The following TMEM181 variants were observed in gnomAD, a reference collection of about 807,000 sequenced individuals.
TMEM181 encodes the protein transmembrane protein 181.
TMEM181 carries 39 observed loss-of-function variants against 71.9 expected under a neutral mutation model. The observed-to-expected ratio is 0.54, with a 90% CI of 0.42 to 0.71. TMEM181 has a LOEUF of 0.71. TMEM181 is among the 30% of genes least tolerant of loss of function. The probability of loss-of-function intolerance (pLI) is 0.00; values close to 1 mark genes in which losing one functional copy is unlikely to be tolerated. For missense variants in TMEM181, 595 were observed against 583.0 expected, an observed-to-expected ratio of 1.02 and a Z score of -0.21; for synonymous variants, 245 against 228.8, an observed-to-expected ratio of 1.07 and a Z score of -0.64.
At chr6:158,572,477 G>A (rs951887055) in intron 1 of TMEM181, 12 of 456,546 alleles carry the variant, frequency 2.6e-5, no homozygotes, top group Non-Finnish European at 4.4e-5. Flanking sequence ...TGGTCTGTGG[G>A]TCTCCTCCTC....
chr6:158,605,330 C>G lies in TMEM181; in HGVS notation c.556C>G (p.Leu186Val). Residue 186 changes from leucine to valine, a missense_variant, in exon 7 of 17, where the codon CTC becomes GTC. Physicochemically the swap from Leu to Val is conservative, Grantham distance 32. Transcript: ENST00000684151. ...EIWFRFFFVV[L>V]TFIVTCLFAH... ...CTGGTTCCGGTTTTTCTTTGTGGTG[C>G]TCACCTTCATCGTCACTGTGAGTAC... The G allele has an allele frequency of 6.2e-7, 1 of 1,613,952 alleles. No individual in the cohort carries two copies. The highest frequency in any genetic ancestry group is 8.5e-7 in the Non-Finnish European group (1 of 1,179,968).
At chr6:158,601,037 T>G (rs1784641718) in intron 6 of TMEM181, among the ~76,000 whole-genome samples, 1 of 152,234 alleles carries the variant, frequency 6.6e-6, no homozygotes, top group Non-Finnish European at 1.5e-5. Context: ...TAAACGTTTT[T>G]AATCTCAATA....
Position 158,625,148 on chromosome 6 carries a change from G to C in TMEM181, c.999G>C (p.Leu333=). The C allele has an allele frequency of 1.2e-6, 2 of 1,614,168 alleles. No individual in the cohort carries two copies. Among genetic ancestry groups the C allele is most frequent in the Non-Finnish European group, 1.7e-6 (2 of 1,180,022 alleles). ...TGGTGGTGGCAGCGGTGTACATTCT[G>C]TACCTCTTGTTCTTGATAGTGCGGG... ...FFMVVAAVYI[L]YLLFLIVRAC... The change falls in exon 12 of 17, where the codon CTG becomes CTC. Residue 333 remains leucine, a synonymous_variant. Transcript: ENST00000684151.
intron 10 of TMEM181, chr6:158,610,826 A>G (rs1023367093): frequency 1.2e-5 from 4 of 320,302 alleles, no homozygotes; most frequent in Non-Finnish European, 2.4e-5. Flanking sequence ...CTGCTGGTGC[A>G]CTAGCTGACA....
At chr6:158,568,761 C>T (rs187021749) in intron 1 of TMEM181, among the ~76,000 whole-genome samples, 150 of 152,220 alleles carry the variant, frequency 9.9e-4, no homozygotes, top group Non-Finnish European at 1.3e-3. Context: ...TGTTCTGAAG[C>T]GACTGGGGAC....
intron 1 of TMEM181, among the ~76,000 whole-genome samples, chr6:158,565,435 G>C (rs1053850063): frequency 6.6e-6 from 1 of 152,226 alleles, no homozygotes; most frequent in Non-Finnish European, 1.5e-5. Flanking sequence ...CCAGGTCCCA[G>C]GGAGAAGGTT....
intron 11 of TMEM181, 150 bp from the exon 12 acceptor site, chr6:158,624,954 G>T (rs1381947732): frequency 1.5e-6 from 1 of 687,970 alleles, no homozygotes; most frequent in Non-Finnish European, 2.7e-6. Context: ...AGATGGTCCC[G>T]GCTGGGAGCC....
At chr6:158,536,740 C>T in exon 1 of TMEM181, 1 of 1,576,088 alleles carries the variant, frequency 6.3e-7, no homozygotes, top group East Asian at 2.4e-5. Flanking sequence ...GCGGCATGGA[C>T]GCCGAGTACC....
chr6:158,611,898 T>C (rs1224854066), intron 10 of TMEM181, among the ~76,000 whole-genome samples: 5 of 152,196 alleles, frequency 3.3e-5, no homozygotes, highest in Non-Finnish European at 7.4e-5. Flanking sequence ...GGAATGTTTC[T>C]GTATCTCTTC....
At chr6:158,568,315 T>C (rs1224900809) in intron 1 of TMEM181, among the ~76,000 whole-genome samples, 1 of 151,644 alleles carries the variant, frequency 6.6e-6, no homozygotes, top group Admixed American at 6.6e-5. Flanking sequence ...GGTGAAAACG[T>C]GTTGGGCAGC....
At chr6:158,560,697 G>C (rs766723704) in intron 1 of TMEM181, among the ~76,000 whole-genome samples, 1 of 152,234 alleles carries the variant, frequency 6.6e-6, no homozygotes, top group Non-Finnish European at 1.5e-5. Flanking sequence ...CGCCGGGTGC[G>C]AGGCTCTCAG....
At chr6:158,618,627 G>A (rs1438028630) in intron 10 of TMEM181, among the ~76,000 whole-genome samples, 1 of 152,162 alleles carries the variant, frequency 6.6e-6, no homozygotes, top group East Asian at 1.9e-4. Context: ...GCAGTGGCTG[G>A]TACCGTTGTT....
chr6:158,611,225 TCAG>T (rs1785286174), intron 10 of TMEM181: 1 of 501,744 alleles, frequency 2.0e-6, no homozygotes, highest in Non-Finnish European at 4.1e-6. Context: ...ACTATCCTTC[TCAG>T]CAGGGGTGAC....
intron 6 of TMEM181, among the ~76,000 whole-genome samples, chr6:158,594,115 T>C (rs1160249267): frequency 6.7e-6 from 1 of 149,744 alleles, no homozygotes; most frequent in African/African-American, 2.5e-5. Flanking sequence ...TTTTTTTTTT[T>C]TTTTTCTGAG....
intron 1 of TMEM181, among the ~76,000 whole-genome samples, chr6:158,560,561 C>T (rs780260744): frequency 3.3e-5 from 5 of 152,160 alleles, no homozygotes; most frequent in African/African-American, 1.2e-4. Context: ...GGCCCTTCCC[C>T]GGCGTAGGGT....
At chr6:158,589,348 G>A (rs537873599) in intron 5 of TMEM181, among the ~76,000 whole-genome samples, 1 of 152,286 alleles carries the variant, frequency 6.6e-6, no homozygotes, top group South Asian at 2.1e-4. Flanking sequence ...CGTTTCCCCT[G>A]TGCTCTAGTG....
chr6:158,560,176 T>A lies in TMEM181; in HGVS notation c.-49T>A. ...GCTGCCGAGGCTGCTGCGCGGCGCC[T>A]GGCGGGCTCGGGACGCGCGGGCCGG... On this transcript the variant is annotated 5_prime_UTR_variant, in exon 1 of 17. Transcript: ENST00000684151. The A allele has an allele frequency of 1.0e-6, 1 of 984,638 alleles. No individual in the cohort carries two copies. The allele number at this position is 984,638 out of a possible 1,614,324, so 61.0% of individuals were successfully genotyped here.
rs759951495 is a variant in TMEM181, at chr6:158,631,894, G to A, written c.*6G>A. On this transcript the variant is annotated 3_prime_UTR_variant, in exon 17 of 17. Coordinates refer to ENST00000684151, the MANE Select transcript of TMEM181 (RefSeq NM_001376852.1). ...AGGAGTCAGATAGTGACTGAGCCCC[G>A]GCCAGCCCAGCGAGGCGACAAGATG... 5.6e-5 allele frequency: 89 copies of A among 1,581,538 alleles called. No individual in the cohort carries two copies. The highest frequency in any genetic ancestry group is 5.7e-5 in the Non-Finnish European group (66 of 1,163,148).
intron 1 of TMEM181, among the ~76,000 whole-genome samples, chr6:158,549,572 C>T (rs1401820602): frequency 2.6e-5 from 4 of 152,108 alleles, no homozygotes; most frequent in East Asian, 1.9e-4. Flanking sequence ...AACAAGAGAG[C>T]GGCTCTCAAA....
Sources: gnomAD v4.1 joint callset for allele counts (sites outside exome capture counted in the v4.1 genomes callset) on GRCh38, gnomAD v4.1.1 for gene constraint, MANE v1.5 for transcripts, NCBI Gene and HGNC (gene_info 2026-07-23, HGNC 2026-07-21) for gene names.